Variants in CLASRP observed in about 807,000 individuals in gnomAD.
CLASRP encodes the protein CLK4 associating serine/arginine rich protein.
A neutral mutation model predicts 99.9 loss-of-function variants in CLASRP; 52 were observed. The observed-to-expected ratio is 0.52, with a 90% CI of 0.42 to 0.66. The LOEUF (loss-of-function observed/expected upper bound fraction) is 0.66. Among genes scored for constraint, CLASRP ranks in the 30% least tolerant of loss-of-function variants. CLASRP has a pLI of 0.00. For missense variants in CLASRP, 848 were observed against 999.2 expected (o/e 0.85, Z 2.04); for synonymous variants, 379 against 373.0 (o/e 1.02, Z -0.18).
chr19:45,051,217 AG>A (rs1972016594), intron 2 of CLASRP, among the ~76,000 whole-genome samples: 1 of 152,126 alleles, frequency 6.6e-6, no homozygotes, highest in Admixed American at 6.6e-5. Flanking sequence ...TGAAGAGTTA[AG>A]GGGGCTGATA....
chr19:45,064,454 C>G lies in CLASRP; in HGVS notation c.1233C>G (p.Ser411=), dbSNP rs768611893. Residue 411 remains serine (S), a synonymous_variant, in exon 13 of 21, where the codon TCC becomes TCG. Transcript: ENST00000221455. ...GCCGTGGTGGGGGCTACTACCGTTC[C>G]GGCCGCCACGCCCGCTCCCGGTCCC... ...RSRRGGGYYR[S]GRHARSRSRS... The G allele has an allele frequency of 6.5e-7, 1 of 1,528,714 alleles. No individual in the cohort carries two copies. Among genetic ancestry groups the G allele is most frequent in the East Asian group, 2.5e-5 (1 of 40,700 alleles). 94.7% of individuals were successfully genotyped at this position (1,528,714 alleles called of 1,614,324 possible).
intron 2 of CLASRP, among the ~76,000 whole-genome samples, chr19:45,043,935 G>T (rs1188860046): frequency 6.6e-6 from 1 of 152,008 alleles, no homozygotes. Flanking sequence ...AGGCTGGAGT[G>T]CAGTGGCACG....
At chr19:45,068,358 G>A (rs1967145831) in intron 15 of CLASRP, 62 bp from the exon 16 acceptor site, 6 of 850,626 alleles carry the variant, frequency 7.1e-6, no homozygotes, top group African/African-American at 1.7e-5. Context: ...TTTTGGCTGA[G>A]GTGGGTTGTG....
At chr19:45,039,751 A>T (rs1245119943) in intron 1 of CLASRP, 1 of 162,618 alleles carries the variant, frequency 6.1e-6, no homozygotes, top group Non-Finnish European at 1.4e-5. Flanking sequence ...TATTCTCCTT[A>T]TCCCTCTACC....
At chr19:45,048,928 G>A (rs1971971883) in intron 2 of CLASRP, among the ~76,000 whole-genome samples, 1 of 152,180 alleles carries the variant, frequency 6.6e-6, no homozygotes, top group African/African-American at 2.4e-5. Flanking sequence ...AGAGGTTGCA[G>A]TGAGCCGAGA....
rs75147445 is a variant in CLASRP at position 45,050,001 on chromosome 19, A to C, written c.100-2070A>C. 5.1e-3 allele frequency among the ~76,000 whole-genome samples: 772 copies of C among 152,246 alleles called. 8 individuals are homozygous for C. Among genetic ancestry groups the C allele is most frequent in the African/African-American group, 0.018 (741 of 41,542 alleles). On this transcript the variant is annotated intron_variant, in intron 2 of 20. Transcript: ENST00000221455. Reference sequence around the variant, plus strand: ...GATAAGTGGGGAGCTATTTAGATAGAGTCACTGAGGACGGCTTTTAGGAGG... The same window carrying C: ...GATAAGTGGGGAGCTATTTAGATAGCGTCACTGAGGACGGCTTTTAGGAGG...
At chr19:45,044,082 A>G (rs1400181587) in intron 2 of CLASRP, among the ~76,000 whole-genome samples, 1 of 152,154 alleles carries the variant, frequency 6.6e-6, no homozygotes, top group Admixed American at 6.6e-5. Context: ...GGGTTTCACC[A>G]TATTGGCCAG....
At chr19:45,058,144 T>G (rs1275268423) in intron 7 of CLASRP, 2 of 533,532 alleles carry the variant, frequency 3.7e-6, no homozygotes, top group Non-Finnish European at 6.7e-6. Context: ...TCCTAGGTGT[T>G]GGCTCCATTC....
intron 16 of CLASRP, 50 bp from the exon 17 acceptor site, chr19:45,069,016 G>A: frequency 7.1e-7 from 1 of 1,415,184 alleles, no homozygotes; most frequent in South Asian, 1.2e-5. Flanking sequence ...AAAAAAGAGA[G>A]TGGGGCTCTT....
Position 45,064,473 on chromosome 19 carries a change from C to CGGTCCCGCTCCT in CLASRP, c.1264_1275dup (p.Trp422_Ser425dup), listed in dbSNP as rs772522748. 60 of 1,526,404 alleles carry CGGTCCCGCTCCT rather than the reference C, an allele frequency of 3.9e-5. No homozygotes were observed. Among genetic ancestry groups the CGGTCCCGCTCCT allele is most frequent in the Admixed American group, 7.9e-5 (4 of 50,774 alleles). The allele number at this position is 1,526,404 out of a possible 1,614,324, so 94.6% of individuals were successfully genotyped here. On this transcript the variant is annotated inframe_insertion, in exon 13 of 21. Coordinates refer to ENST00000221455, the MANE Select transcript of CLASRP (RefSeq NM_007056.3). ...CCGTTCCGGCCGCCACGCCCGCTCC[C>CGGTCCCGCTCCT]GGTCCCGCTCCTGGTCCCGCTCCCG...
chr19:45,070,947 ATTCCCGT>A lies in CLASRP; in HGVS notation c.*103_*109del, dbSNP rs1385020572. 5.3e-6 allele frequency: 4 copies of A among 760,174 alleles called. No individual in the cohort carries two copies. In the African/African-American group the frequency reaches 7.0e-5, roughly 13 times the overall value. The allele number at this position is 760,174 out of a possible 1,614,324, so 47.1% of individuals were successfully genotyped here. On this transcript the variant is annotated 3_prime_UTR_variant, in exon 21 of 21. Transcript: ENST00000221455. ...GTGAAATAAAGTCAAAAGTTATTTA[ATTCCCGT>A]CACCTGTCTCAGTGTCATCTGTGTG...
intron 2 of CLASRP, among the ~76,000 whole-genome samples, chr19:45,049,335 C>T (rs550016037): frequency 6.6e-6 from 1 of 152,208 alleles, no homozygotes; most frequent in South Asian, 2.1e-4. Flanking sequence ...GAGCTGGGTG[C>T]GCTGTGTGGC....
chr19:45,043,772 A>C (rs1442497548), intron 2 of CLASRP, among the ~76,000 whole-genome samples: 1 of 152,166 alleles, frequency 6.6e-6, no homozygotes, highest in Non-Finnish European at 1.5e-5. Flanking sequence ...GGGAGAACTC[A>C]TCTCCGATAG....
At chr19:45,063,746 G>A (rs966956855) in intron 11 of CLASRP, among the ~76,000 whole-genome samples, 2 of 152,060 alleles carry the variant, frequency 1.3e-5, no homozygotes, top group Non-Finnish European at 2.9e-5. Flanking sequence ...CACCGCGCCC[G>A]GCCTGCTCAT....
chr19:45,070,184 C>T (rs138498184), intron 19 of CLASRP, 80 bp downstream of exon 19: 732 of 940,328 alleles, frequency 7.8e-4, no homozygotes, highest in Middle Eastern at 1.5e-3. Flanking sequence ...AACCATAGTA[C>T]AGCCGGGCGC....
chr19:45,049,881 G>A (rs998808403), intron 2 of CLASRP, among the ~76,000 whole-genome samples: 4 of 152,232 alleles, frequency 2.6e-5, no homozygotes, highest in South Asian at 2.1e-4. Flanking sequence ...AGGTGGTAGC[G>A]GGTGCTCAAA....
At chr19:45,043,185 A>G (rs938167561) in intron 2 of CLASRP, among the ~76,000 whole-genome samples, 9 of 141,670 alleles carry the variant, frequency 6.4e-5, no homozygotes, top group Non-Finnish European at 1.2e-4. Flanking sequence ...CACTTCAGAT[A>G]AGGAATACTT....
intron 18 of CLASRP, 74 bp downstream of exon 18, chr19:45,069,322 C>T: frequency 6.8e-7 from 1 of 1,476,930 alleles, no homozygotes; most frequent in Non-Finnish European, 9.4e-7. Flanking sequence ...GGGCTGCTGG[C>T]TCAAGCCCTG....
chr19:45,052,557 C>G (rs1273049657), intron 3 of CLASRP, among the ~76,000 whole-genome samples: 1 of 152,132 alleles, frequency 6.6e-6, no homozygotes, highest in Non-Finnish European at 1.5e-5. Context: ...CTGGTGTCCC[C>G]AGGGGCAGTC....
Sources: allele counts gnomAD v4.1 joint callset (sites outside exome capture counted in the v4.1 genomes callset), GRCh38; gene constraint gnomAD v4.1.1; transcripts MANE v1.5; gene names NCBI Gene and HGNC (gene_info 2026-07-23, HGNC 2026-07-21).